ANO10: variants seen among roughly 807,000 people sequenced by gnomAD.
The protein encoded by ANO10 is anoctamin 10, also known as anoctamin-10.
ANO10 carries 77 observed loss-of-function variants against 74.7 expected under a neutral mutation model. The ratio of observed to expected loss-of-function variants is 1.03; its 90% CI spans 0.86 to 1.25. The LOEUF (loss-of-function observed/expected upper bound fraction) is 1.25. Among genes scored for constraint, ANO10 ranks in the 50% most tolerant of loss-of-function variants. The pLI is 0.00. For synonymous variants in ANO10, 279 were observed against 284.9 expected, an observed-to-expected ratio of 0.98 and a Z score of 0.21; for missense variants, 721 against 778.1, an observed-to-expected ratio of 0.93 and a Z score of 0.87.
intron 1 of ANO10, among the ~76,000 whole-genome samples, chr3:43,684,721 C>T (rs2084251261): frequency 6.6e-6 from 1 of 152,230 alleles, no homozygotes; most frequent in East Asian, 1.9e-4. Context: ...GAAAATGTGG[C>T]ACATATACAC....
intron 2 of ANO10, among the ~76,000 whole-genome samples, chr3:43,601,006 A>G (rs2082315930): frequency 1.3e-5 from 2 of 152,204 alleles, no homozygotes; most frequent in African/African-American, 2.4e-5. Context: ...GGACTATAAC[A>G]GATTTTGTGA....
chr3:43,373,421 G>A (rs556469937), intron 12 of ANO10, among the ~76,000 whole-genome samples: 331 of 151,984 alleles, frequency 2.2e-3, no homozygotes, highest in Non-Finnish European at 4.3e-3. Flanking sequence ...CACAACAGGA[G>A]ACATGTGAGG....
intron 12 of ANO10, among the ~76,000 whole-genome samples, chr3:43,398,535 T>A (rs1465563179): frequency 6.6e-6 from 1 of 152,070 alleles, no homozygotes; most frequent in Non-Finnish European, 1.5e-5. Flanking sequence ...CTGTGAAGAG[T>A]TTGATATTTA....
chr3:43,517,624 T>C (rs923596034), intron 11 of ANO10, among the ~76,000 whole-genome samples: 1 of 152,158 alleles, frequency 6.6e-6, no homozygotes, highest in Non-Finnish European at 1.5e-5. Context: ...GGTGGCCATC[T>C]AAAAGCTAGG....
At chr3:43,474,301 AG>A (rs1481195303) in intron 11 of ANO10, among the ~76,000 whole-genome samples, 3 of 149,704 alleles carry the variant, frequency 2.0e-5, no homozygotes, top group Admixed American at 6.7e-5. Context: ...GGACTTTATC[AG>A]GATTGATTAT....
chr3:43,445,974 G>A (rs1257677457), intron 11 of ANO10, among the ~76,000 whole-genome samples: 1 of 152,154 alleles, frequency 6.6e-6, no homozygotes, highest in African/African-American at 2.4e-5. Context: ...TGGGATTACA[G>A]AACACCAAAC....
intron 1 of ANO10, among the ~76,000 whole-genome samples, chr3:43,665,383 G>A (rs987679286): frequency 2.0e-5 from 3 of 152,054 alleles, no homozygotes; most frequent in Non-Finnish European, 4.4e-5. Flanking sequence ...GGGGGTGGGC[G>A]GTTAAGGGAG....
At chr3:43,429,701 T>C (rs991758673) in intron 12 of ANO10, among the ~76,000 whole-genome samples, 1 of 152,110 alleles carries the variant, frequency 6.6e-6, no homozygotes, top group Admixed American at 6.5e-5. Context: ...GCTGCAAAAA[T>C]GTAGGCAGTG....
At chr3:43,386,617 G>A (rs895761918) in intron 12 of ANO10, among the ~76,000 whole-genome samples, 9 of 151,324 alleles carry the variant, frequency 5.9e-5, no homozygotes, top group African/African-American at 1.7e-4. Context: ...CTGAGAAAAC[G>A]GGCTTTTTGA....
intron 1 of ANO10, among the ~76,000 whole-genome samples, chr3:43,666,795 C>G (rs976176086): frequency 6.6e-6 from 1 of 152,176 alleles, no homozygotes; most frequent in Non-Finnish European, 1.5e-5. Flanking sequence ...GCTCTTCTTG[C>G]TGCATCCTCA....
intron 1 of ANO10, among the ~76,000 whole-genome samples, chr3:43,672,312 C>T (rs1487928828): frequency 1.3e-5 from 2 of 152,038 alleles, no homozygotes; most frequent in African/African-American, 4.8e-5. Flanking sequence ...TCACTTGAGC[C>T]CAGGAGTTCT....
chr3:43,430,674 TTAATTA>T (rs1222357178), intron 12 of ANO10, among the ~76,000 whole-genome samples: 1 of 152,168 alleles, frequency 6.6e-6, no homozygotes, highest in Non-Finnish European at 1.5e-5. Flanking sequence ...TAAAATGTAT[TTAATTA>T]TAATTATTGT....
At chr3:43,488,927 C>T (rs888219707) in intron 11 of ANO10, among the ~76,000 whole-genome samples, 6 of 151,530 alleles carry the variant, frequency 4.0e-5, no homozygotes, top group Non-Finnish European at 7.4e-5. Flanking sequence ...AGCCAAATGT[C>T]CAACAATGAT....
chr3:43,552,697 G>GATATATATATATAT (rs57438732), intron 10 of ANO10, among the ~76,000 whole-genome samples: 2 of 124,478 alleles, frequency 1.6e-5, no homozygotes, highest in African/African-American at 3.0e-5. Context: ...ATTATCTCTG[G>GATATATATATATAT]ATATATATAT....
intron 11 of ANO10, among the ~76,000 whole-genome samples, chr3:43,459,011 A>G (rs989723316): frequency 1.3e-5 from 2 of 152,208 alleles, no homozygotes; most frequent in Non-Finnish European, 2.9e-5. Flanking sequence ...AGTAAAACAA[A>G]GTCTCTGAGC....
At chr3:43,483,616 AG>A (rs1428516190) in intron 11 of ANO10, among the ~76,000 whole-genome samples, 1 of 152,190 alleles carries the variant, frequency 6.6e-6, no homozygotes, top group South Asian at 2.1e-4. Flanking sequence ...ATATCTCAAG[AG>A]GTTTATCCTG....
At chr3:43,485,614 G>T (rs141478702) in intron 11 of ANO10, 3,704 of 209,580 alleles carry the variant, frequency 0.018, 44 homozygotes, top group Non-Finnish European at 0.027. Flanking sequence ...AGCTCTGGGA[G>T]CAAGGACCCC....
chr3:43,452,204 T>C (rs149699405), intron 11 of ANO10, among the ~76,000 whole-genome samples: 23 of 152,340 alleles, frequency 1.5e-4, no homozygotes, highest in Non-Finnish European at 2.6e-4. Flanking sequence ...TCACATACCA[T>C]AGAATTCTCC....
chr3:43,553,789 C>T (rs1355542063), intron 10 of ANO10, among the ~76,000 whole-genome samples: 1 of 152,140 alleles, frequency 6.6e-6, no homozygotes, highest in Non-Finnish European at 1.5e-5. Context: ...CCTGCCTTGG[C>T]CTCCCAAAGT....
Sources: gnomAD v4.1 joint callset for allele counts (sites outside exome capture counted in the v4.1 genomes callset) on GRCh38, gnomAD v4.1.1 for gene constraint, MANE v1.5 for transcripts, NCBI Gene and HGNC (gene_info 2026-07-23, HGNC 2026-07-21) for gene names.